The following BACE2 variants were observed in gnomAD, a reference collection of about 807,000 sequenced individuals.
BACE2 encodes 56 kDa aspartic-like protease.
Under a neutral mutation model 46.2 loss-of-function variants are expected in BACE2, and 17 were observed. That is an observed-to-expected ratio of 0.37 (90% CI 0.25 to 0.55). The LOEUF (loss-of-function observed/expected upper bound fraction) is 0.55, where lower values mean the gene tolerates loss of function less well. BACE2 is among the 20% of genes least tolerant of loss of function. The pLI is 0.82. For synonymous variants in BACE2, 277 were observed against 295.9 expected (o/e 0.94, Z 0.66); for missense variants, 595 against 698.1 (o/e 0.85, Z 1.66).
At chr21:41,215,450 G>GC (rs1986434347) in intron 1 of BACE2, among the ~76,000 whole-genome samples, 1 of 152,150 alleles carries the variant, frequency 6.6e-6, no homozygotes, top group Non-Finnish European at 1.5e-5. Context: ...CTCACCCCAT[G>GC]CCCCAGGTTC....
At chr21:41,272,651 T>C (rs779272289) in intron 8 of BACE2, among the ~76,000 whole-genome samples, 1 of 152,214 alleles carries the variant, frequency 6.6e-6, no homozygotes, top group Non-Finnish European at 1.5e-5. Flanking sequence ...ATCTTTAATG[T>C]CTTCCGTGTC....
chr21:41,273,235 C>T (rs4092406), intron 8 of BACE2, among the ~76,000 whole-genome samples: 26 of 152,150 alleles, frequency 1.7e-4, no homozygotes, highest in Non-Finnish European at 2.4e-4. Context: ...GCTTTGGGCA[C>T]GCATTGTCAT....
intron 8 of BACE2, among the ~76,000 whole-genome samples, chr21:41,268,852 G>A (rs1299860547): frequency 6.6e-6 from 1 of 152,164 alleles, no homozygotes; most frequent in Non-Finnish European, 1.5e-5. Flanking sequence ...GAAAAAATGG[G>A]TATGAACTCA....
chr21:41,245,709 A>C (rs1019896849), intron 5 of BACE2, among the ~76,000 whole-genome samples: 2 of 152,204 alleles, frequency 1.3e-5, no homozygotes, highest in African/African-American at 4.8e-5. Flanking sequence ...TGGGAGGGCT[A>C]TTGATTTGCT....
chr21:41,200,728 G>C (rs555301444), intron 1 of BACE2, among the ~76,000 whole-genome samples: 2 of 152,324 alleles, frequency 1.3e-5, no homozygotes, highest in East Asian at 3.9e-4. Flanking sequence ...GACATGCAGA[G>C]AGACACCAGG....
At chr21:41,168,799 G>A (rs988948118) in intron 1 of BACE2, among the ~76,000 whole-genome samples, 4 of 152,154 alleles carry the variant, frequency 2.6e-5, no homozygotes, top group African/African-American at 9.6e-5. Context: ...AGGGGTGTGC[G>A]CGAGTGTTTC....
intron 6 of BACE2, among the ~76,000 whole-genome samples, chr21:41,247,482 G>A (rs866888256): frequency 4.6e-5 from 7 of 152,196 alleles, no homozygotes; most frequent in African/African-American, 1.4e-4. Context: ...AATAAGGAGC[G>A]ATACCCTCAT....
At chr21:41,216,234 G>A (rs947675541) in intron 1 of BACE2, among the ~76,000 whole-genome samples, 2 of 152,178 alleles carry the variant, frequency 1.3e-5, no homozygotes, top group East Asian at 1.9e-4. Flanking sequence ...CCTGCGGGCC[G>A]CTCAGACACA....
intron 1 of BACE2, among the ~76,000 whole-genome samples, chr21:41,173,018 T>G (rs1984660926): frequency 6.6e-6 from 1 of 152,156 alleles, no homozygotes; most frequent in Admixed American, 6.5e-5. Context: ...TCCTCTCTTC[T>G]TATAAGGAGA....
chr21:41,259,589 A>C (rs1302725106), intron 8 of BACE2, among the ~76,000 whole-genome samples: 1 of 152,000 alleles, frequency 6.6e-6, no homozygotes, highest in African/African-American at 2.4e-5. Context: ...TTTGTCTTAG[A>C]AATAAAAAAC....
intron 8 of BACE2, among the ~76,000 whole-genome samples, chr21:41,269,419 G>A (rs1040246179): frequency 1.3e-5 from 2 of 152,146 alleles, no homozygotes; most frequent in African/African-American, 4.8e-5. Flanking sequence ...AGTGTTATAT[G>A]TGTGCGCACC....
At chr21:41,268,124 C>T (rs2088397919) in intron 8 of BACE2, among the ~76,000 whole-genome samples, 1 of 152,140 alleles carries the variant, frequency 6.6e-6, no homozygotes, top group Admixed American at 6.5e-5. Flanking sequence ...CGATCTTAGC[C>T]CAGGACTGTA....
chr21:41,244,055 T>C (rs187795184), intron 5 of BACE2, among the ~76,000 whole-genome samples: 14 of 152,314 alleles, frequency 9.2e-5, no homozygotes, highest in South Asian at 4.1e-4. Flanking sequence ...CTCAGGACCA[T>C]GTTCATGCCT....
intron 3 of BACE2, among the ~76,000 whole-genome samples, chr21:41,238,078 A>G (rs971856651): frequency 3.9e-5 from 6 of 152,270 alleles, no homozygotes; most frequent in African/African-American, 1.4e-4. Flanking sequence ...TATTAAATTC[A>G]TACGTTTGCG....
chr21:41,182,617 C>G (rs1011350862), intron 1 of BACE2: 3 of 167,110 alleles, frequency 1.8e-5, no homozygotes, highest in Admixed American at 6.5e-5. Context: ...TTTTACAACC[C>G]CATTTCCTGG....
At chr21:41,170,148 T>C (rs1984552126) in intron 1 of BACE2, among the ~76,000 whole-genome samples, 1 of 150,272 alleles carries the variant, frequency 6.7e-6, no homozygotes, top group African/African-American at 2.5e-5. Flanking sequence ...CCTGAAACCC[T>C]CCCTCCAGAG....
chr21:41,180,852 C>T (rs1985095948), intron 1 of BACE2: 1 of 167,102 alleles, frequency 6.0e-6, no homozygotes, highest in East Asian at 1.9e-4. Flanking sequence ...CCTTGTTCAG[C>T]TAGTAAATAA....
At position 41,279,244 on chromosome 21, in the gene BACE2, A is replaced by G. The variant is rs1384368894; in HGVS notation, c.*3620A>G. The G allele has an allele frequency of 6.6e-6, 1 of 152,210 alleles. No individual in the cohort carries two copies. The highest frequency in any genetic ancestry group is 1.5e-5 in the Non-Finnish European group (1 of 68,034). The allele number at this position is 152,210 out of a possible 1,614,324, so 9.4% of individuals were successfully genotyped here. ...AAAATACATTTTGAGAGGGGTAGAAAGAATAAGAATATAATTAAAAGTATG... is the reference window on the plus strand; with the variant it reads ...AAAATACATTTTGAGAGGGGTAGAAGGAATAAGAATATAATTAAAAGTATG... On this transcript the variant is annotated 3_prime_UTR_variant, in exon 9 of 9. Transcript: ENST00000330333.
In BACE2 at chr21:41,248,221, C is replaced by T. The variant is rs539436954; in HGVS notation, c.984+2158C>T. Among the ~76,000 whole-genome samples, 7 of 152,292 alleles carry T rather than the reference C, an allele frequency of 4.6e-5. No homozygotes were observed. In the South Asian group the frequency reaches 1.5e-3, roughly 32 times the overall value. ...GGAAATCCAGACGCAAAATAATACCCGCTTGAAAATGGCTTCTAACTTTAA... is the reference window on the plus strand; with the variant it reads ...GGAAATCCAGACGCAAAATAATACCTGCTTGAAAATGGCTTCTAACTTTAA... On this transcript the variant is annotated intron_variant, in intron 6 of 8. Coordinates refer to ENST00000330333, the MANE Select transcript of BACE2 (RefSeq NM_012105.5).
Sources: gnomAD v4.1 joint callset for allele counts (sites outside exome capture counted in the v4.1 genomes callset) on GRCh38, gnomAD v4.1.1 for gene constraint, MANE v1.5 for transcripts, NCBI Gene and HGNC (gene_info 2026-07-23, HGNC 2026-07-21) for gene names.